CCDC91: variants seen among roughly 807,000 people sequenced by gnomAD.
CCDC91 encodes the protein coiled-coil domain-containing protein 91.
Under a neutral mutation model 63.2 loss-of-function variants are expected in CCDC91, and 48 were observed. The observed-to-expected ratio is 0.76, with a 90% CI of 0.60 to 0.97. The LOEUF is 0.97. CCDC91 is among the 50% of genes least tolerant of loss of function. CCDC91 has a pLI of 0.00. For missense variants in CCDC91, 500 were observed against 494.6 expected (o/e 1.01, Z -0.10); for synonymous variants, 167 against 165.8 (o/e 1.01, Z -0.06).
In CCDC91 at chr12:28,429,843, A is replaced by T. The variant is rs537479284; in HGVS notation, c.763-20318A>T. On this transcript the variant is annotated intron_variant, in intron 8 of 12. Transcript: ENST00000536442. ...AATTACAAATCAAGATTAAAAAAAA[A>T]TTTAATCGCATCCCAAAAAAACTCT... Among the ~76,000 whole-genome samples the T allele has an allele frequency of 1.5e-3, 224 of 151,282 alleles. 1 individual carries two copies. The highest frequency in any genetic ancestry group is 5.2e-3 in the African/African-American group (214 of 40,774).
At chr12:28,447,128 AT>A (rs1259871165) in intron 8 of CCDC91, among the ~76,000 whole-genome samples, 1 of 152,194 alleles carries the variant, frequency 6.6e-6, no homozygotes, top group Admixed American at 6.5e-5. Flanking sequence ...GGAATTTCTC[AT>A]AAGGCTATAA....
At chr12:28,220,449 C>A (rs557256782) in intron 1 of CCDC91, among the ~76,000 whole-genome samples, 36 of 152,008 alleles carry the variant, frequency 2.4e-4, no homozygotes, top group Non-Finnish European at 4.4e-4. Context: ...ATAAAGCCAA[C>A]AATATGTTTT....
At chr12:28,490,429 T>C (rs1951939331) in intron 12 of CCDC91, among the ~76,000 whole-genome samples, 1 of 151,934 alleles carries the variant, frequency 6.6e-6, no homozygotes, top group Non-Finnish European at 1.5e-5. Flanking sequence ...TAAGCTATAT[T>C]GTAATTTAAA....
chr12:28,304,398 A>G (rs1938456409), intron 3 of CCDC91, among the ~76,000 whole-genome samples: 3 of 123,412 alleles, frequency 2.4e-5, no homozygotes, highest in Admixed American at 8.4e-5. Flanking sequence ...AAAAAAAAAA[A>G]AAAGAAAAAA....
intron 3 of CCDC91, among the ~76,000 whole-genome samples, chr12:28,278,708 T>C (rs528479494): frequency 6.6e-6 from 1 of 152,190 alleles, no homozygotes; most frequent in African/African-American, 2.4e-5. Flanking sequence ...CATCCTGTGG[T>C]TTCATGACTC....
chr12:28,397,268 A>G (rs11049572), intron 8 of CCDC91, among the ~76,000 whole-genome samples: 31,174 of 152,178 alleles, frequency 0.2, 4,186 homozygotes, highest in Non-Finnish European at 0.3. Flanking sequence ...TAGTTTCAAC[A>G]GAGTGGTGGA....
chr12:28,515,131 GT>G (rs796122401), intron 12 of CCDC91, among the ~76,000 whole-genome samples: 51 of 151,550 alleles, frequency 3.4e-4, no homozygotes, highest in African/African-American at 1.2e-3. Context: ...AATCATTTGT[GT>G]TTTTTTTCCC....
chr12:28,248,776 T>G (rs2136061273), intron 1 of CCDC91, among the ~76,000 whole-genome samples: 1 of 152,292 alleles, frequency 6.6e-6, no homozygotes, highest in African/African-American at 2.4e-5. Context: ...TTGTTTTTGT[T>G]TTTGTTCTGT....
At chr12:28,272,945 C>T (rs1030936819) in intron 3 of CCDC91, among the ~76,000 whole-genome samples, 8 of 151,628 alleles carry the variant, frequency 5.3e-5, no homozygotes, top group East Asian at 1.9e-4. Flanking sequence ...CCCAGTAACT[C>T]GTCATTTAAC....
intron 12 of CCDC91, among the ~76,000 whole-genome samples, chr12:28,503,956 G>T (rs909681891): frequency 6.6e-6 from 1 of 151,662 alleles, no homozygotes; most frequent in Non-Finnish European, 1.5e-5. Context: ...AAGGGGGGAG[G>T]GATAGCATTC....
Position 28,204,882 on chromosome 12 carries a change from C to T in CCDC91, c.-15+14241C>T, listed in dbSNP as rs868632586. Among the ~76,000 whole-genome samples, 37 of 152,162 alleles carry T rather than the reference C, an allele frequency of 2.4e-4. No individual in the cohort carries two copies. In the Middle Eastern group the frequency reaches 0.014, roughly 56 times the overall value. On this transcript the variant is annotated intron_variant, in intron 1 of 12. Transcript: ENST00000536442. ...ATACACAATTAAAGGAATACTTATACGCAATTATAGGAATTTAGTAAATAA... is the reference window on the plus strand; with the variant it reads ...ATACACAATTAAAGGAATACTTATATGCAATTATAGGAATTTAGTAAATAA...
At chr12:28,388,938 T>G (rs1167701546) in intron 7 of CCDC91, among the ~76,000 whole-genome samples, 1 of 152,164 alleles carries the variant, frequency 6.6e-6, no homozygotes, top group Non-Finnish European at 1.5e-5. Flanking sequence ...CTTCTAGGCA[T>G]TGGCTTAGGC....
At chr12:28,210,907 A>G (rs1370252154) in intron 1 of CCDC91, among the ~76,000 whole-genome samples, 1 of 151,986 alleles carries the variant, frequency 6.6e-6, no homozygotes, top group Non-Finnish European at 1.5e-5. Context: ...TTCCAGGGAC[A>G]TACAAAACAA....
chr12:28,468,573 T>A (rs10771429), intron 11 of CCDC91, among the ~76,000 whole-genome samples: 111,312 of 151,836 alleles, frequency 0.73, 41,233 homozygotes, highest in Middle Eastern at 0.8. Context: ...TGAGGATGGA[T>A]TACTTCCTAA....
At chr12:28,485,625 T>C (rs1365047777) in intron 12 of CCDC91, among the ~76,000 whole-genome samples, 1 of 152,184 alleles carries the variant, frequency 6.6e-6, no homozygotes, top group Non-Finnish European at 1.5e-5. Flanking sequence ...AGAAACATTT[T>C]ATATTGGATT....
chr12:28,311,454 G>A (rs564994903), intron 6 of CCDC91, among the ~76,000 whole-genome samples: 1 of 152,124 alleles, frequency 6.6e-6, no homozygotes, highest in South Asian at 2.1e-4. Context: ...CCACATCGAG[G>A]TCATCTATGG....
intron 12 of CCDC91, among the ~76,000 whole-genome samples, chr12:28,512,269 A>T (rs1382058232): frequency 6.6e-6 from 1 of 151,824 alleles, no homozygotes; most frequent in Non-Finnish European, 1.5e-5. Context: ...CTTTTTCATC[A>T]GTTTTTTTTC....
At chr12:28,269,527 C>T (rs1337941188) in intron 3 of CCDC91, among the ~76,000 whole-genome samples, 1 of 152,078 alleles carries the variant, frequency 6.6e-6, no homozygotes, top group African/African-American at 2.4e-5. Context: ...CCTGCATCCA[C>T]TCTCAGTGTC....
At chr12:28,232,992 AT>A (rs1210012397) in intron 1 of CCDC91, among the ~76,000 whole-genome samples, 70 of 150,992 alleles carry the variant, frequency 4.6e-4, no homozygotes, top group South Asian at 1.5e-3. Context: ...AAAAAAAAAA[AT>A]ATCATTACTG....
Sources: allele counts gnomAD v4.1 joint callset (sites outside exome capture counted in the v4.1 genomes callset), GRCh38; gene constraint gnomAD v4.1.1; transcripts MANE v1.5; gene names NCBI Gene and HGNC (gene_info 2026-07-23, HGNC 2026-07-21).